ABR: variants seen among roughly 807,000 people sequenced by gnomAD.
ABR encodes the protein ABR activator of RhoGEF and GTPase.
Under a neutral mutation model 107.2 loss-of-function variants are expected in ABR, and 35 were observed. The ratio of observed to expected loss-of-function variants is 0.33; its 90% CI spans 0.25 to 0.43. ABR has a LOEUF of 0.43. Among genes scored for constraint, ABR ranks in the 20% least tolerant of loss-of-function variants. The pLI is 1.00. For missense variants in ABR, 815 were observed against 1,115.2 expected (o/e 0.73, Z 3.83); for synonymous variants, 498 against 462.0 (o/e 1.08, Z -1.00).
At chr17:1,090,990 G>A (rs2036984842) in intron 4 of ABR, among the ~76,000 whole-genome samples, 1 of 152,180 alleles carries the variant, frequency 6.6e-6, no homozygotes, top group Admixed American at 6.5e-5. Context: ...CAGGGAACCA[G>A]AAGACTTCTG....
chr17:1,212,119 GA>G (rs1048525328), intron 1 of ABR, among the ~76,000 whole-genome samples: 1 of 150,656 alleles, frequency 6.6e-6, no homozygotes, highest in African/African-American at 2.5e-5. Flanking sequence ...GAAGAAGAAT[GA>G]AACAGTGTTA....
In ABR at chr17:1,031,526, CCCCCG is replaced by C. The variant is rs1567613430; in HGVS notation, c.1792-18367_1792-18363del. The C allele has an allele frequency of 2.2e-4, 67 of 302,542 alleles. 2 individuals are homozygous for C. Among genetic ancestry groups the C allele is most frequent in the Non-Finnish European group, 3.6e-4 (64 of 176,276 alleles). The allele number at this position is 302,542 out of a possible 1,614,324, so 18.7% of individuals were successfully genotyped here. On this transcript the variant is annotated intron_variant, in intron 16 of 22. Transcript: ENST00000302538. ...AGCGGGACCCCATCAGCCCCCGCAGCCCCCGCAGCCCCCCGAGCCCCGCAGCGCCC... is the reference window on the plus strand; with the variant it reads ...AGCGGGACCCCATCAGCCCCCGCAGCCAGCCCCCCGAGCCCCGCAGCGCCC...
At chr17:1,185,654 T>TAAAAAA (rs775804045) in intron 1 of ABR, among the ~76,000 whole-genome samples, 45 of 39,344 alleles carry the variant, frequency 1.1e-3, no homozygotes, top group African/African-American at 4.1e-3. Flanking sequence ...CAGAAAGAAA[T>TAAAAAA]AAAAAAAAAA....
chr17:1,066,361 A>G (rs2034738809), intron 10 of ABR, among the ~76,000 whole-genome samples: 1 of 152,110 alleles, frequency 6.6e-6, no homozygotes, highest in Admixed American at 6.6e-5. Flanking sequence ...GCTTCTCTGC[A>G]TTTTTAAGTC....
chr17:1,063,608 G>A (rs1283743581), intron 10 of ABR, among the ~76,000 whole-genome samples: 3 of 149,896 alleles, frequency 2.0e-5, no homozygotes, highest in Admixed American at 6.7e-5. Context: ...CTGTTGTTAC[G>A]TGAACTGAGG....
At chr17:1,073,773 C>G (rs1398601964) in intron 6 of ABR, 96 bp from the exon 7 acceptor site, 2 of 1,108,832 alleles carry the variant, frequency 1.8e-6, no homozygotes, top group East Asian at 5.3e-5. Context: ...CGCATGCTTC[C>G]CACGTGAACA....
rs1177605123 is a variant in ABR at position 1,204,906 on chromosome 17, T to C, written c.838+23887A>G. Among the ~76,000 whole-genome samples, 49 of 138,846 alleles carry C rather than the reference T, an allele frequency of 3.5e-4. 1 individual carries two copies. Among genetic ancestry groups the C allele is most frequent in the Non-Finnish European group, 6.3e-4 (40 of 63,992 alleles). 91.1% of individuals were successfully genotyped at this position (138,846 alleles called of 152,430 possible). ...TTTCTTTTCTTTTTCTTTTTCTTTTTTTTTTTTTTTTTTTTGAGACTGAGT... is the reference window on the plus strand; with the variant it reads ...TTTCTTTTCTTTTTCTTTTTCTTTTCTTTTTTTTTTTTTTTGAGACTGAGT... On this transcript the variant is annotated intron_variant, in intron 1 of 22. Coordinates refer to the ABR transcript ENST00000574139.
At position 1,147,739 on chromosome 17, in the gene ABR, G is replaced by A. The variant is rs922636059; in HGVS notation, c.62-22372C>T. Reference sequence around the variant, plus strand: ...TCAGCCCTTCCATGTATGCTCAGAAGGCCAACCCCAGCCTCACGGAAGCTC... The same window carrying A: ...TCAGCCCTTCCATGTATGCTCAGAAAGCCAACCCCAGCCTCACGGAAGCTC... On this transcript the variant is annotated intron_variant, in intron 1 of 22. Coordinates refer to ENST00000302538, the MANE Select transcript of ABR (RefSeq NM_021962.5). Among the ~76,000 whole-genome samples, 3 of 152,244 alleles carry A rather than the reference G, an allele frequency of 2.0e-5. No individual in the cohort carries two copies. The East Asian group carries it at 5.8e-4, about 29-fold the overall frequency.
In ABR at chr17:1,027,879, T is replaced by C. The variant is rs937822832; in HGVS notation, c.1792-14715A>G. Reference sequence around the variant, plus strand: ...GCGAGATCTTTCCTGACGCCCAGACTGGATTATAAAATAAAGTAGACGAGC... The same window carrying C: ...GCGAGATCTTTCCTGACGCCCAGACCGGATTATAAAATAAAGTAGACGAGC... On this transcript the variant is annotated intron_variant, in intron 16 of 22. Transcript: ENST00000302538. The surrounding 1 kb of genome is among the most constrained non-coding windows in gnomAD (Gnocchi z 4.7). Among the ~76,000 whole-genome samples the C allele has an allele frequency of 1.4e-4, 22 of 151,902 alleles. No individual in the cohort carries two copies. The highest frequency in any genetic ancestry group is 4.6e-4 in the African/African-American group (19 of 41,324).
chr17:1,105,470 C>G (rs2038185372), intron 2 of ABR, among the ~76,000 whole-genome samples: 1 of 151,898 alleles, frequency 6.6e-6, no homozygotes, highest in Admixed American at 6.6e-5. Context: ...CACGTGGGGC[C>G]CGCACTTAGA....
chr17:1,084,247 C>T lies in ABR; in HGVS notation c.532-620G>A, dbSNP rs2036449734. Among the ~76,000 whole-genome samples the T allele has an allele frequency of 6.6e-6, 1 of 152,190 alleles. No individual in the cohort carries two copies. The highest frequency in any genetic ancestry group is 2.4e-5 in the African/African-American group (1 of 41,444). On this transcript the variant is annotated intron_variant, in intron 4 of 22. Transcript: ENST00000302538. The surrounding 1 kb of genome is among the most constrained non-coding windows in gnomAD (Gnocchi z 4.2). ...CAAAAATTAGCTGGGCATGGTGGCG[C>T]GTGCCTGTAATCCCAGGTACTCAGG...
intron 21 of ABR, among the ~76,000 whole-genome samples, chr17:1,008,700 G>T (rs2070267743): frequency 6.6e-6 from 1 of 152,236 alleles, no homozygotes; most frequent in African/African-American, 2.4e-5. Flanking sequence ...AGCTGCAGCG[G>T]GGGGCCTGGC....
Position 1,194,695 on chromosome 17 carries a change from C to G in ABR, c.838+34098G>C, listed in dbSNP as rs1447596831. ...TTAAGATGGAGTCTCGCTCTGTTGC[C>G]CAGGCTGGAGTGCAGTGGTGCGGTC... On this transcript the variant is annotated intron_variant, in intron 1 of 22. Transcript: ENST00000574139. Among the ~76,000 whole-genome samples, 3 of 124,926 alleles carry G rather than the reference C, an allele frequency of 2.4e-5. 1 individual carries two copies. Among genetic ancestry groups the G allele is most frequent in the Middle Eastern group, 8.1e-3 (2 of 246 alleles). 82.0% of individuals were successfully genotyped at this position (124,926 alleles called of 152,430 possible). A position where few individuals can be genotyped will look rare whatever the true frequency, so the allele number is the denominator to read the frequency against.
chr17:1,167,182 T>C (rs1045404604), intron 1 of ABR, among the ~76,000 whole-genome samples: 1 of 151,928 alleles, frequency 6.6e-6, no homozygotes, highest in African/African-American at 2.4e-5. Context: ...AGGCCACCAG[T>C]TGGATGTCTC....
chr17:1,166,681 G>A (rs1404486690), intron 1 of ABR, among the ~76,000 whole-genome samples: 3 of 152,204 alleles, frequency 2.0e-5, no homozygotes, highest in Admixed American at 1.3e-4. Context: ...TGGGCAGCGC[G>A]GGCCTCACCT....
At chr17:1,204,740 C>G (rs2042754074) in intron 1 of ABR, among the ~76,000 whole-genome samples, 2 of 152,010 alleles carry the variant, frequency 1.3e-5, no homozygotes, top group African/African-American at 2.4e-5. Context: ...ATTGAGCCTA[C>G]TATGTACCTG....
intron 14 of ABR, among the ~76,000 whole-genome samples, chr17:1,054,125 G>A (rs776874496): frequency 3.9e-5 from 6 of 152,224 alleles, no homozygotes; most frequent in African/African-American, 4.8e-5. Context: ...GAGCCTCGGC[G>A]TCCTCGTGTG....
intron 2 of ABR, among the ~76,000 whole-genome samples, chr17:1,114,874 T>C (rs749063858): frequency 3.0e-4 from 45 of 152,218 alleles, no homozygotes; most frequent in Non-Finnish European, 5.6e-4. Flanking sequence ...GGCTGGTTCA[T>C]GCATTCATTC....
At chr17:1,009,855 G>A in intron 20 of ABR, 71 bp from the exon 21 acceptor site, 2 of 1,375,412 alleles carry the variant, frequency 1.5e-6, no homozygotes, top group Admixed American at 1.7e-5. Context: ...TGGTCGTGAG[G>A]CTGTGGGCCC....
Sources: gnomAD v4.1 joint callset for allele counts (sites outside exome capture counted in the v4.1 genomes callset) on GRCh38, gnomAD v4.1.1 for gene constraint, Gnocchi (gnomAD v3.1) non-coding constraint, MANE v1.5 for transcripts, NCBI Gene and HGNC (gene_info 2026-07-23, HGNC 2026-07-21) for gene names.